Variants in TP73 observed in about 807,000 individuals in gnomAD.
TP73 encodes the protein tumor protein p73.
Under a neutral mutation model 62.5 loss-of-function variants are expected in TP73, and 25 were observed. The observed-to-expected ratio is 0.40, with a 90% CI of 0.29 to 0.56. The LOEUF (loss-of-function observed/expected upper bound fraction) is 0.56. Among genes scored for constraint, TP73 ranks in the 20% least tolerant of loss-of-function variants. TP73 has a pLI of 0.46. For synonymous variants in TP73, 423 were observed against 377.5 expected (o/e 1.12, Z -1.40); for missense variants, 754 against 913.3 (o/e 0.83, Z 2.25).
intron 3 of TP73, among the ~76,000 whole-genome samples, chr1:3,688,480 G>A (rs1267210094): frequency 4.6e-5 from 7 of 152,264 alleles, no homozygotes; most frequent in South Asian, 2.1e-4. Context: ...CGGCAGCGTC[G>A]TTCCCCCCTG....
chr1:3,715,136 C>T (rs1459708579), intron 4 of TP73, among the ~76,000 whole-genome samples: 1 of 152,184 alleles, frequency 6.6e-6, no homozygotes, highest in Non-Finnish European at 1.5e-5. Flanking sequence ...GTCTCAGTCT[C>T]TATTGTCCAT....
rs374914898 is a variant in TP73 at position 3,709,439 on chromosome 1, G to A, written c.429+1648G>A. Among the ~76,000 whole-genome samples, 16 of 152,362 alleles carry A rather than the reference G, an allele frequency of 1.1e-4. 1 individual carries two copies. The East Asian group carries it at 1.2e-3, about 11-fold the overall frequency. On this transcript the variant is annotated intron_variant, in intron 4 of 13. Transcript: ENST00000378295. ...AGATAAGGATGGGAAGACCGTGCCA[G>A]GGCTGTGGCCAGCACGGTGCTTAGC...
In TP73 at chr1:3,669,320, G is replaced by A. The variant is rs552661248; in HGVS notation, c.-33-13013G>A. Among the ~76,000 whole-genome samples the A allele has an allele frequency of 6.3e-4, 96 of 152,324 alleles. 2 individuals carry two copies. The highest frequency in any genetic ancestry group is 6.0e-3 in the South Asian group (29 of 4,830). Reference sequence around the variant, plus strand: ...CGGCTTGGAAATGCAGTACTGTTCAGGCCAGGGTGGGGAGGCCTTGCCCAC... The same window carrying A: ...CGGCTTGGAAATGCAGTACTGTTCAAGCCAGGGTGGGGAGGCCTTGCCCAC... On this transcript the variant is annotated intron_variant, in intron 1 of 13. Transcript: ENST00000378295.
intron 1 of TP73, among the ~76,000 whole-genome samples, chr1:3,653,293 C>A (rs1045741140): frequency 6.6e-6 from 1 of 152,212 alleles, no homozygotes; most frequent in Non-Finnish European, 1.5e-5. Context: ...AGAGAAAGCC[C>A]GTGAAGAAAT....
At chr1:3,674,374 C>T (rs375251428) in intron 1 of TP73, among the ~76,000 whole-genome samples, 2 of 152,238 alleles carry the variant, frequency 1.3e-5, no homozygotes, top group Admixed American at 6.5e-5. Context: ...GCTACCCCAC[C>T]GTGGGAGGCT....
In TP73 at chr1:3,727,978, C is replaced by T. The variant is rs1391241241; in HGVS notation, c.986-151C>T. 6 of 1,132,938 alleles carry T rather than the reference C, an allele frequency of 5.3e-6. No homozygotes were observed. In the Admixed American group the frequency reaches 1.7e-4, roughly 31 times the overall value. 70.2% of individuals were successfully genotyped at this position (1,132,938 alleles called of 1,614,324 possible). A position where few individuals can be genotyped will look rare whatever the true frequency, so the allele number is the denominator to read the frequency against. Reference sequence around the variant, plus strand: ...CACCTCAGAGGCCTGGGTGGCACCGCAGGTTTGCCCGTCCCTGTGGGTTGC... The same window carrying T: ...CACCTCAGAGGCCTGGGTGGCACCGTAGGTTTGCCCGTCCCTGTGGGTTGC... On this transcript the variant is annotated intron_variant, in intron 8 of 13. Coordinates refer to ENST00000378295, the MANE Select transcript of TP73 (RefSeq NM_005427.4).
intron 3 of TP73, among the ~76,000 whole-genome samples, chr1:3,689,183 C>T (rs938505363): frequency 1.3e-5 from 2 of 152,134 alleles, no homozygotes; most frequent in South Asian, 4.1e-4. Context: ...TCCTAGTGCT[C>T]GCCCTGGGCT....
At chr1:3,687,305 T>A (rs1645683773) in intron 3 of TP73, among the ~76,000 whole-genome samples, 1 of 152,158 alleles carries the variant, frequency 6.6e-6, no homozygotes, top group South Asian at 2.1e-4. Flanking sequence ...GTTCCCTGAA[T>A]GAGGAAGGCT....
chr1:3,717,991 C>T (rs1640744546), intron 4 of TP73, among the ~76,000 whole-genome samples: 2 of 152,212 alleles, frequency 1.3e-5, no homozygotes, highest in South Asian at 2.1e-4. Flanking sequence ...GCCTTACTGG[C>T]CAGAGGGGAG....
chr1:3,729,043 A>C (rs1641913767), intron 9 of TP73, among the ~76,000 whole-genome samples: 1 of 152,194 alleles, frequency 6.6e-6, no homozygotes, highest in Admixed American at 6.5e-5. Context: ...GGTTTCTAAA[A>C]ACCCAGTATC....
At chr1:3,653,951 A>T (rs1054869404) in intron 1 of TP73, among the ~76,000 whole-genome samples, 1 of 152,230 alleles carries the variant, frequency 6.6e-6, no homozygotes, top group Non-Finnish European at 1.5e-5. Flanking sequence ...AGGTGGGTGG[A>T]TCACCTGAGG....
Position 3,696,822 on chromosome 1 carries a change from G to A in TP73, c.187-10727G>A, listed in dbSNP as rs1394548586. Among the ~76,000 whole-genome samples the A allele has an allele frequency of 2.0e-5, 3 of 152,126 alleles. No individual in the cohort carries two copies. Among genetic ancestry groups the A allele is most frequent in the Non-Finnish European group, 4.4e-5 (3 of 68,010 alleles). ...GGGGAGGGACCAGTTGTCCTAACTG[G>A]AGATCCAGGGATCAGAGGAGCCACC... On this transcript the variant is annotated intron_variant, in intron 3 of 13. Transcript: ENST00000378295. This position sits in a 1 kb window ranked among gnomAD's most constrained non-coding sequence, Gnocchi z 4.1.
At chr1:3,652,870 G>C (rs1362170361) in intron 1 of TP73, 1 of 152,326 alleles carries the variant, frequency 6.6e-6, no homozygotes, top group Non-Finnish European at 1.5e-5. Flanking sequence ...GAGGAGACGC[G>C]GGTCCTGCCC....
intron 1 of TP73, among the ~76,000 whole-genome samples, chr1:3,677,388 G>A (rs2102067789): frequency 6.6e-6 from 1 of 152,286 alleles, no homozygotes; most frequent in South Asian, 2.1e-4. Context: ...CTGGCAAAGG[G>A]AGGGGACTTG....
rs60858253 is a variant in TP73 at position 3,721,669 on chromosome 1, G to A, written c.430-352G>A. 6.3e-3 allele frequency among the ~76,000 whole-genome samples: 956 copies of A among 152,270 alleles called. 5 individuals are homozygous for A. Among genetic ancestry groups the A allele is most frequent in the African/African-American group, 0.021 (893 of 41,548 alleles). On this transcript the variant is annotated intron_variant, in intron 4 of 13. Transcript: ENST00000378295. Reference sequence around the variant, plus strand: ...TCCACAGGCCTGGCTCCCAGCCCCCGTTCCCGCCCTCACTCTCCAGCAGCC... The same window carrying A: ...TCCACAGGCCTGGCTCCCAGCCCCCATTCCCGCCCTCACTCTCCAGCAGCC...
chr1:3,731,001 T>C lies in TP73; in HGVS notation c.1420T>C (p.Ser474Pro). 6.2e-7 allele frequency: 1 copy of C among 1,612,220 alleles called. No homozygotes were observed. The highest frequency in any genetic ancestry group is 1.1e-5 in the South Asian group (1 of 91,024). ...GEMSSSHSAQ[S>P]MVSGSHCTPP... ...GATGAGCAGCAGCCACAGCGCCCAG[T>C]CCATGGTCTCGGGGTCCCACTGCAC... The change falls in exon 12 of 14, where the codon TCC (serine) becomes CCC (proline). Residue 474 changes from serine to proline, a missense_variant. Physicochemically the swap from Ser to Pro is moderately conservative, Grantham distance 74 (BLOSUM62 -1). Coordinates refer to ENST00000378295, the MANE Select transcript of TP73 (RefSeq NM_005427.4).
rs534346181 is a variant in TP73 at position 3,672,931 on chromosome 1, C to T, written c.-33-9402C>T. Among the ~76,000 whole-genome samples, 14 of 152,336 alleles carry T rather than the reference C, an allele frequency of 9.2e-5. No individual in the cohort carries two copies. The highest frequency in any genetic ancestry group is 2.4e-4 in the African/African-American group (10 of 41,576). Reference sequence around the variant, plus strand: ...CTGACCCGCTTACCCCCAGGAGCACCGCCCACTCCAAGGCGCAAGCAAGCT... The same window carrying T: ...CTGACCCGCTTACCCCCAGGAGCACTGCCCACTCCAAGGCGCAAGCAAGCT... On this transcript the variant is annotated intron_variant, in intron 1 of 13. Transcript: ENST00000378295. This position sits in a 1 kb window ranked among gnomAD's most constrained non-coding sequence, Gnocchi z 5.3.
rs1187703056 is a variant in TP73 at position 3,658,369 on chromosome 1, C to CTA, written c.-34+5728_-34+5729insTA. 4.0e-3 allele frequency among the ~76,000 whole-genome samples: 603 copies of CTA among 152,304 alleles called. 4 individuals are homozygous for CTA. The highest frequency in any genetic ancestry group is 0.014 in the African/African-American group (562 of 41,556). Reference sequence around the variant, plus strand: ...AGAGACAACAGTTTTAAGGCTGTGCCCCCGCCCGGAAGTGCCATAAAAACA... The same window carrying CTA: ...AGAGACAACAGTTTTAAGGCTGTGCCTACCCGCCCGGAAGTGCCATAAAAACA... On this transcript the variant is annotated intron_variant, in intron 1 of 13. Transcript: ENST00000378295.
intron 3 of TP73, among the ~76,000 whole-genome samples, chr1:3,702,909 C>T (rs1639313097): frequency 6.6e-6 from 1 of 152,234 alleles, no homozygotes; most frequent in Non-Finnish European, 1.5e-5. Context: ...ACCCCGGGCT[C>T]CTGTGCAGGC....
Sources: gnomAD v4.1 joint callset for allele counts (sites outside exome capture counted in the v4.1 genomes callset) on GRCh38, gnomAD v4.1.1 for gene constraint, Gnocchi (gnomAD v3.1) non-coding constraint, MANE v1.5 for transcripts, NCBI Gene and HGNC (gene_info 2026-07-23, HGNC 2026-07-21) for gene names.